Variants in DEPDC1B observed in about 807,000 individuals in gnomAD.
DEPDC1B encodes the protein DEP domain-containing protein 1B.
In DEPDC1B, 51 loss-of-function variants were observed where a neutral mutation model predicts 66.5. The observed-to-expected ratio is 0.77, with a 90% confidence interval of 0.61 to 0.97. The LOEUF is 0.97. Ranked by LOEUF, DEPDC1B falls within the 50% of genes least tolerant of loss-of-function variation. DEPDC1B has a pLI of 0.00. For synonymous variants in DEPDC1B, 226 were observed against 223.6 expected, an observed-to-expected ratio of 1.01 and a Z score of -0.10; for missense variants, 552 against 637.1, an observed-to-expected ratio of 0.87 and a Z score of 1.44.
intron 2 of DEPDC1B, among the ~76,000 whole-genome samples, chr5:60,664,068 T>C (rs1237675723): frequency 1.3e-5 from 2 of 152,158 alleles, no homozygotes; most frequent in Non-Finnish European, 2.9e-5. Flanking sequence ...CCAATACCCA[T>C]TTAGTAGAAT....
At chr5:60,673,769 T>G (rs554474574) in intron 2 of DEPDC1B, among the ~76,000 whole-genome samples, 8 of 152,388 alleles carry the variant, frequency 5.2e-5, no homozygotes, top group African/African-American at 1.9e-4. Flanking sequence ...TATATGATAT[T>G]TATTATTTTG....
At chr5:60,651,768 T>G (rs990163528) in intron 2 of DEPDC1B, among the ~76,000 whole-genome samples, 1 of 152,082 alleles carries the variant, frequency 6.6e-6, no homozygotes, top group African/African-American at 2.4e-5. Context: ...GAGAAAAAAA[T>G]CTGTGTTGCA....
chr5:60,686,420 T>C (rs1754413738), intron 2 of DEPDC1B, among the ~76,000 whole-genome samples: 1 of 152,204 alleles, frequency 6.6e-6, no homozygotes, highest in Non-Finnish European at 1.5e-5. Context: ...TCCCTTGGAT[T>C]ATCTGGCGGT....
chr5:60,618,684 T>C (rs1752625608), intron 7 of DEPDC1B, among the ~76,000 whole-genome samples: 1 of 152,172 alleles, frequency 6.6e-6, no homozygotes, highest in African/African-American at 2.4e-5. Flanking sequence ...ACCAGACGGA[T>C]TCACAGCCAA....
chr5:60,652,764 C>T (rs1753486226), intron 2 of DEPDC1B, among the ~76,000 whole-genome samples: 1 of 148,954 alleles, frequency 6.7e-6, no homozygotes, highest in Non-Finnish European at 1.5e-5. Context: ...CCCTCCCACC[C>T]ATTCCCCAAG....
rs1410236243 is a variant in DEPDC1B, at chr5:60,596,988, T to C, written c.*765A>G. Reference sequence around the variant, plus strand: ...GATGAAAATATATTTATAAAGGAAGTAGTCTCATTTTATTTAACCCATTTG... The same window carrying C: ...GATGAAAATATATTTATAAAGGAAGCAGTCTCATTTTATTTAACCCATTTG... On this transcript the variant is annotated 3_prime_UTR_variant, in exon 11 of 11. Coordinates refer to ENST00000265036, the MANE Select transcript of DEPDC1B (RefSeq NM_018369.3). 6.6e-6 allele frequency: 1 copy of C among 152,612 alleles called. No individual in the cohort carries two copies. Among genetic ancestry groups the C allele is most frequent in the Non-Finnish European group, 1.5e-5 (1 of 68,030 alleles). The allele number at this position is 152,612 out of a possible 1,614,324, so 9.5% of individuals were successfully genotyped here. A position where few individuals can be genotyped will look rare whatever the true frequency, so the allele number is the denominator to read the frequency against.
intron 1 of DEPDC1B, among the ~76,000 whole-genome samples, chr5:60,693,123 A>G (rs1376673391): frequency 6.6e-6 from 1 of 152,130 alleles, no homozygotes; most frequent in African/African-American, 2.4e-5. Flanking sequence ...AACTCAACAA[A>G]TTTTTTGAGC....
intron 2 of DEPDC1B, among the ~76,000 whole-genome samples, chr5:60,654,973 A>G (rs1753543932): frequency 6.7e-6 from 1 of 148,852 alleles, no homozygotes; most frequent in Non-Finnish European, 1.5e-5. Flanking sequence ...CTGATATGAA[A>G]CCCAATTGAC....
chr5:60,662,844 T>C (rs1291722517), intron 2 of DEPDC1B, among the ~76,000 whole-genome samples: 1 of 152,082 alleles, frequency 6.6e-6, no homozygotes, highest in Non-Finnish European at 1.5e-5. Flanking sequence ...CCAGGTATGC[T>C]TGACCATTGA....
intron 1 of DEPDC1B, among the ~76,000 whole-genome samples, chr5:60,699,450 A>AAAAAAAAAAAAAAAAAAC (rs1561398819): frequency 3.3e-5 from 5 of 150,548 alleles, no homozygotes; most frequent in African/African-American, 9.8e-5. Flanking sequence ...CCAGAAAAAA[A>AAAAAAAAAAAAAAAAAAC]AAAAAAAAAA....
At chr5:60,644,922 AT>A in intron 4 of DEPDC1B, 47 bp from the exon 5 acceptor site, 2 of 1,432,300 alleles carry the variant, frequency 1.4e-6, no homozygotes, top group Non-Finnish European at 1.9e-6. Flanking sequence ...TTAATATTAT[AT>A]TTACTCAAAA....
chr5:60,667,963 TG>T (rs1290141014), intron 2 of DEPDC1B, among the ~76,000 whole-genome samples: 1 of 122,976 alleles, frequency 8.1e-6, no homozygotes, highest in Non-Finnish European at 1.6e-5. Flanking sequence ...ATATATATAA[TG>T]GATATTTTAT....
At chr5:60,602,081 C>A (rs1331059066) in intron 9 of DEPDC1B, among the ~76,000 whole-genome samples, 2 of 142,684 alleles carry the variant, frequency 1.4e-5, no homozygotes, top group African/African-American at 5.4e-5. Context: ...ATTTTTTTCT[C>A]ATTGTTAACA....
At chr5:60,609,779 A>C (rs1584024845) in intron 7 of DEPDC1B, among the ~76,000 whole-genome samples, 2 of 152,220 alleles carry the variant, frequency 1.3e-5, no homozygotes, top group East Asian at 3.8e-4. Flanking sequence ...GAAGAGCAGA[A>C]CACTTGTTCC....
chr5:60,599,584 C>G (rs1335874775), intron 9 of DEPDC1B, among the ~76,000 whole-genome samples: 1 of 152,202 alleles, frequency 6.6e-6, no homozygotes, highest in Non-Finnish European at 1.5e-5. Context: ...CTGTGACATG[C>G]TCGTGATGGC....
intron 2 of DEPDC1B, among the ~76,000 whole-genome samples, chr5:60,665,319 G>C (rs1753813256): frequency 1.3e-5 from 2 of 152,170 alleles, no homozygotes; most frequent in Admixed American, 1.3e-4. Context: ...ATTGGACCAG[G>C]CCTTTTCAAA....
intron 8 of DEPDC1B, 131 bp from the exon 9 acceptor site, chr5:60,603,698 G>A (rs1314220295): frequency 1.1e-6 from 1 of 879,008 alleles, no homozygotes; most frequent in African/African-American, 1.7e-5. Flanking sequence ...AGAGTACCCA[G>A]CCATCTCAGA....
chr5:60,608,231 C>A (rs1752349442), intron 7 of DEPDC1B, among the ~76,000 whole-genome samples: 1 of 152,116 alleles, frequency 6.6e-6, no homozygotes, highest in Non-Finnish European at 1.5e-5. Flanking sequence ...ATCTCATTGT[C>A]CCACAAATCC....
intron 2 of DEPDC1B, among the ~76,000 whole-genome samples, chr5:60,673,083 C>A (rs1754077914): frequency 6.6e-6 from 1 of 152,060 alleles, no homozygotes; most frequent in Non-Finnish European, 1.5e-5. Flanking sequence ...TGTAATAATA[C>A]CTAACTTGTT....
Sources: gnomAD v4.1 joint callset for allele counts (sites outside exome capture counted in the v4.1 genomes callset) on GRCh38, gnomAD v4.1.1 for gene constraint, MANE v1.5 for transcripts, NCBI Gene and HGNC (gene_info 2026-07-23, HGNC 2026-07-21) for gene names.